CNTNAP5: variants seen among roughly 807,000 people sequenced by gnomAD.
CNTNAP5 encodes the protein contactin-associated protein-like 5.
CNTNAP5 carries 72 observed loss-of-function variants against 150.2 expected under a neutral mutation model. That is an observed-to-expected ratio of 0.48 (90% CI 0.40 to 0.58). The LOEUF (loss-of-function observed/expected upper bound fraction) is 0.58, where lower values mean the gene tolerates loss of function less well. Among genes scored for constraint, CNTNAP5 ranks in the 20% least tolerant of loss-of-function variants. The pLI, the probability that CNTNAP5 is intolerant of heterozygous loss-of-function variation, is 0.00. For synonymous variants in CNTNAP5, 672 were observed against 619.8 expected (o/e 1.08, Z -1.25); for missense variants, 1,636 against 1,626.2 (o/e 1.01, Z -0.10).
chr2:124,627,522 CAAAAAA>C (rs3039905), intron 12 of CNTNAP5, among the ~76,000 whole-genome samples: 7 of 132,034 alleles, frequency 5.3e-5, no homozygotes, highest in Non-Finnish European at 3.1e-5. Flanking sequence ...ACAACAACAT[CAAAAAA>C]AAAAAAAAAA....
At chr2:124,600,727 TACTC>T (rs1381178963) in intron 11 of CNTNAP5, among the ~76,000 whole-genome samples, 10 of 87,200 alleles carry the variant, frequency 1.1e-4, no homozygotes, top group Non-Finnish European at 1.1e-4. Context: ...ACAACAACAA[TACTC>T]AGAGAGAGAG....
chr2:124,296,360 C>T (rs982892100), intron 3 of CNTNAP5, among the ~76,000 whole-genome samples: 3 of 152,302 alleles, frequency 2.0e-5, no homozygotes, highest in African/African-American at 4.8e-5. Flanking sequence ...AGATGCAGAG[C>T]GGCTCTTAAC....
intron 1 of CNTNAP5, among the ~76,000 whole-genome samples, chr2:124,075,880 C>A (rs984350082): frequency 2.1e-4 from 32 of 152,102 alleles, no homozygotes; most frequent in African/African-American, 7.0e-4. Flanking sequence ...ACTCAAAATT[C>A]ATATACCATA....
At chr2:124,394,813 G>A (rs776084675) in intron 3 of CNTNAP5, among the ~76,000 whole-genome samples, 12 of 152,158 alleles carry the variant, frequency 7.9e-5, no homozygotes, top group East Asian at 3.9e-4. Context: ...TCACTGCTTC[G>A]CCTCTGCCGA....
At chr2:124,691,464 C>T (rs1214221529) in intron 13 of CNTNAP5, among the ~76,000 whole-genome samples, 1 of 152,046 alleles carries the variant, frequency 6.6e-6, no homozygotes, top group Non-Finnish European at 1.5e-5. Context: ...AACAGCAGGG[C>T]AGGAGATGGT....
intron 10 of CNTNAP5, among the ~76,000 whole-genome samples, chr2:124,529,297 T>G (rs539424771): frequency 6.3e-4 from 96 of 152,310 alleles, no homozygotes; most frequent in African/African-American, 2.3e-3. Flanking sequence ...GGGTCTCTTA[T>G]GCTACCTTAA....
chr2:124,192,527 A>T (rs1197772081), intron 1 of CNTNAP5, among the ~76,000 whole-genome samples: 1 of 152,106 alleles, frequency 6.6e-6, no homozygotes, highest in Non-Finnish European at 1.5e-5. Context: ...CTTCCTGCTG[A>T]TATCCACAAC....
At chr2:124,382,859 G>A (rs1437077524) in intron 3 of CNTNAP5, among the ~76,000 whole-genome samples, 1 of 151,982 alleles carries the variant, frequency 6.6e-6, no homozygotes, top group Non-Finnish European at 1.5e-5. Flanking sequence ...TTGAGCTTGT[G>A]TTTCTCTAAA....
chr2:124,391,167 A>T (rs1446836029), intron 3 of CNTNAP5, among the ~76,000 whole-genome samples: 2 of 152,318 alleles, frequency 1.3e-5, no homozygotes, highest in Middle Eastern at 3.4e-3. Context: ...CTGTCTAGGA[A>T]ATTAACTAAA....
At chr2:124,409,949 C>G (rs893980288) in intron 3 of CNTNAP5, among the ~76,000 whole-genome samples, 12 of 150,436 alleles carry the variant, frequency 8.0e-5, no homozygotes, top group Admixed American at 1.3e-4. Flanking sequence ...GATAAAGAGT[C>G]AAGAGCTGTA....
chr2:124,030,410 T>C (rs1355269078), intron 1 of CNTNAP5, among the ~76,000 whole-genome samples: 1 of 152,132 alleles, frequency 6.6e-6, no homozygotes, highest in Non-Finnish European at 1.5e-5. Context: ...AGTTAATGAT[T>C]TCCTCAAGAT....
At chr2:124,713,243 C>CTCTT (rs869162372) in intron 13 of CNTNAP5, among the ~76,000 whole-genome samples, 725 of 65,092 alleles carry the variant, frequency 0.011, 24 homozygotes, top group African/African-American at 0.018. Context: ...TTCTTTCTTT[C>CTCTT]TCTTTCTTTC....
At chr2:124,064,898 T>A (rs1298096691) in intron 1 of CNTNAP5, among the ~76,000 whole-genome samples, 2 of 152,176 alleles carry the variant, frequency 1.3e-5, no homozygotes, top group African/African-American at 4.8e-5. Context: ...TTACTTCATG[T>A]GGAAAGTGGG....
At position 124,423,289 on chromosome 2, in the gene CNTNAP5, G is replaced by A. The variant is rs116451064; in HGVS notation, c.529+5699G>A. Among the ~76,000 whole-genome samples the A allele has an allele frequency of 1.0e-3, 158 of 152,206 alleles. 1 individual carries two copies. The highest frequency in any genetic ancestry group is 3.7e-3 in the African/African-American group (152 of 41,552). ...GTTAGTTACAAGCATCGTTACCTTC[G>A]TCAGATATTTAGGCTGCTCACCAAA... On this transcript the variant is annotated intron_variant, in intron 4 of 23. Transcript: ENST00000682447.
intron 1 of CNTNAP5, among the ~76,000 whole-genome samples, chr2:124,208,073 C>T (rs1330830319): frequency 6.6e-6 from 1 of 152,018 alleles, no homozygotes. Context: ...TTATTTTTAG[C>T]CTGTCCCCAA....
intron 5 of CNTNAP5, among the ~76,000 whole-genome samples, chr2:124,440,144 A>G (rs1460431368): frequency 6.6e-6 from 1 of 152,144 alleles, no homozygotes; most frequent in Non-Finnish European, 1.5e-5. Flanking sequence ...ATAGTCAGAA[A>G]TAATTATAAC....
intron 11 of CNTNAP5, among the ~76,000 whole-genome samples, chr2:124,580,521 A>G (rs1035149200): frequency 1.3e-5 from 2 of 152,208 alleles, no homozygotes; most frequent in African/African-American, 4.8e-5. Context: ...GACAAGTCTG[A>G]CTCAGGAAGC....
intron 7 of CNTNAP5, among the ~76,000 whole-genome samples, chr2:124,480,245 C>A (rs1693734058): frequency 6.6e-6 from 1 of 152,154 alleles, no homozygotes; most frequent in African/African-American, 2.4e-5. Flanking sequence ...ATCATTACTT[C>A]AGATTTGATC....
chr2:124,794,620 A>G lies in CNTNAP5; in HGVS notation c.2993-3476A>G, dbSNP rs375385968. ...CAGAAATCATTTAATACTTATATTCATTTTAATTTATACCATTTATTTTTA... is the reference window on the plus strand; with the variant it reads ...CAGAAATCATTTAATACTTATATTCGTTTTAATTTATACCATTTATTTTTA... On this transcript the variant is annotated intron_variant, in intron 18 of 23. Coordinates refer to ENST00000682447, the MANE Select transcript of CNTNAP5 (RefSeq NM_001367498.1). Among the ~76,000 whole-genome samples, 37 of 152,334 alleles carry G rather than the reference A, an allele frequency of 2.4e-4. No individual in the cohort carries two copies. In the South Asian group the frequency reaches 3.3e-3, roughly 14 times the overall value.
Sources: gnomAD v4.1 joint callset for allele counts (sites outside exome capture counted in the v4.1 genomes callset) on GRCh38, gnomAD v4.1.1 for gene constraint, MANE v1.5 for transcripts, NCBI Gene and HGNC (gene_info 2026-07-23, HGNC 2026-07-21) for gene names.